OSBPL9: variants seen among roughly 807,000 people sequenced by gnomAD.
OSBPL9 encodes the protein oxysterol binding protein like 9, also known as oxysterol-binding protein-related protein 9.
In OSBPL9, 40 loss-of-function variants were observed where a neutral mutation model predicts 106.6. That is an observed-to-expected ratio of 0.38 (90% CI 0.29 to 0.49). OSBPL9 has a LOEUF of 0.49. Among genes scored for constraint, OSBPL9 ranks in the 20% least tolerant of loss-of-function variants. OSBPL9 has a pLI of 0.97. For missense variants in OSBPL9, 609 were observed against 887.2 expected, an observed-to-expected ratio of 0.69 and a Z score of 3.98; for synonymous variants, 269 against 295.4, an observed-to-expected ratio of 0.91 and a Z score of 0.92.
Position 51,782,514 on chromosome 1 carries a change from T to A in OSBPL9, c.1429-45T>A, listed in dbSNP as rs909137384. ...ATTACCAGATTCTCTGAAATGTCAT[T>A]TGTGTTTTCTCATCAAAAGAAAATT... On this transcript the variant is annotated intron_variant, in intron 16 of 23. Coordinates refer to ENST00000428468, the MANE Select transcript of OSBPL9 (RefSeq NM_024586.6). 1.9e-6 allele frequency: 3 copies of A among 1,563,240 alleles called. No individual in the cohort carries two copies. The African/African-American group carries it at 4.1e-5, about 21-fold the overall frequency.
the OSBPL9 span, among the ~76,000 whole-genome samples, chr1:51,559,637 A>AAATT: frequency 1.3e-5 from 2 of 152,214 alleles, no homozygotes; most frequent in African/African-American, 4.8e-5. Flanking sequence ...TTCTTCAAAT[A>AAATT]CTAAGGTTTG....
At chr1:51,778,675 A>G (rs1320377265) in intron 15 of OSBPL9, among the ~76,000 whole-genome samples, 1 of 152,126 alleles carries the variant, frequency 6.6e-6, no homozygotes. Context: ...CAAGTCCACA[A>G]ATTCATCCGT....
At chr1:51,635,398 G>T (rs559777562) in intron 1 of OSBPL9, among the ~76,000 whole-genome samples, 1 of 152,066 alleles carries the variant, frequency 6.6e-6, no homozygotes, top group Non-Finnish European at 1.5e-5. Flanking sequence ...TTTGCACCTC[G>T]CTGTTACTCC....
intron 9 of OSBPL9, 165 bp downstream of exon 9, chr1:51,756,523 A>G: frequency 1.6e-6 from 1 of 624,808 alleles, no homozygotes; most frequent in Admixed American, 3.0e-5. Context: ...TTCAGCAATC[A>G]TTTGCAGGGG....
intron 1 of OSBPL9, among the ~76,000 whole-genome samples, chr1:51,646,138 A>G (rs1042251039): frequency 1.3e-5 from 2 of 152,130 alleles, no homozygotes; most frequent in Admixed American, 6.6e-5. Flanking sequence ...CAGCTTATCA[A>G]TTTCTACAAC....
At chr1:51,666,827 A>G (rs1052173191) in intron 2 of OSBPL9, among the ~76,000 whole-genome samples, 3 of 152,228 alleles carry the variant, frequency 2.0e-5, no homozygotes, top group African/African-American at 4.8e-5. Context: ...CTGTTAGTTC[A>G]TAGAGAGCCA....
intron 9 of OSBPL9, among the ~76,000 whole-genome samples, chr1:51,758,423 A>G (rs2149054928): frequency 6.8e-6 from 1 of 146,030 alleles, no homozygotes; most frequent in South Asian, 2.1e-4. Flanking sequence ...TCCTATTTTC[A>G]GAAAAAAAAA....
chr1:51,547,386 GA>G, the OSBPL9 span, among the ~76,000 whole-genome samples: 1 of 151,858 alleles, frequency 6.6e-6, no homozygotes, highest in African/African-American at 2.4e-5. Flanking sequence ...AAAATATGAA[GA>G]AAAAATGCGA....
upstream of OSBPL9, chr1:51,617,075 A>G (rs1390360585): frequency 7.2e-7 from 1 of 1,386,342 alleles, no homozygotes; most frequent in Non-Finnish European, 9.6e-7. Context: ...TAGGCGAGTG[A>G]CGTCAGGCCG....
At chr1:51,546,651 C>A in the OSBPL9 span, among the ~76,000 whole-genome samples, 25 of 150,794 alleles carry the variant, frequency 1.7e-4, no homozygotes, top group Non-Finnish European at 1.6e-4. Flanking sequence ...GAGCCGAGAT[C>A]GTGCCACTGC....
Position 51,729,896 on chromosome 1 carries a change from A to C in OSBPL9, c.319-15640A>C. The C allele has an allele frequency of 1.6e-6, 2 of 1,271,342 alleles. No homozygotes were observed. The highest frequency in any genetic ancestry group is 2.0e-6 in the Non-Finnish European group (2 of 1,000,942). 78.8% of individuals were successfully genotyped at this position (1,271,342 alleles called of 1,614,324 possible). ...GCACCGCAGTCCGGGGATCGGGTCG[A>C]GGGGAGAAGAAAAAGGGGTGCTCGG... On this transcript the variant is annotated intron_variant, in intron 4 of 23. Transcript: ENST00000428468. The surrounding 1 kb of genome is among the most constrained non-coding windows in gnomAD (Gnocchi z 5.1).
At chr1:51,604,092 G>A (rs901403038) in intron 2 of OSBPL9, among the ~76,000 whole-genome samples, 1 of 152,190 alleles carries the variant, frequency 6.6e-6, no homozygotes, top group African/African-American at 2.4e-5. Context: ...TGGTCAGAAA[G>A]AAAGAAAGAA....
chr1:51,550,705 G>C, the OSBPL9 span, among the ~76,000 whole-genome samples: 2 of 152,014 alleles, frequency 1.3e-5, no homozygotes, highest in Admixed American at 6.6e-5. Context: ...GTAGAGACAG[G>C]GTTTCACCAC....
intron 2 of OSBPL9, among the ~76,000 whole-genome samples, chr1:51,656,854 AG>A (rs1299016136): frequency 6.6e-6 from 1 of 151,400 alleles, no homozygotes; most frequent in African/African-American, 2.4e-5. Flanking sequence ...TTTAGAGACG[AG>A]GTCTCACTGT....
rs80280657 is a variant in OSBPL9 at position 51,718,816 on chromosome 1, A to G, written c.318+4737A>G. On this transcript the variant is annotated intron_variant, in intron 4 of 23. Coordinates refer to ENST00000428468, the MANE Select transcript of OSBPL9 (RefSeq NM_024586.6). Reference sequence around the variant, plus strand: ...TTCATAAATGAAGGCTTTCTTCTTCAACAGTTCTTAGTGACTTCACCTGTA... The same window carrying G: ...TTCATAAATGAAGGCTTTCTTCTTCGACAGTTCTTAGTGACTTCACCTGTA... Among the ~76,000 whole-genome samples the G allele has an allele frequency of 2.3e-3, 352 of 152,308 alleles. 4 individuals carry two copies. Among genetic ancestry groups the G allele is most frequent in the African/African-American group, 8.3e-3 (344 of 41,566 alleles).
upstream of OSBPL9, among the ~76,000 whole-genome samples, chr1:51,572,808 A>G (rs1254869469): frequency 6.6e-6 from 1 of 152,258 alleles, no homozygotes; most frequent in Admixed American, 6.5e-5. Context: ...ATGAATGGAC[A>G]TATTATATTT....
the OSBPL9 span, chr1:51,563,716 A>G: frequency 1.4e-4 from 21 of 152,258 alleles, no homozygotes; most frequent in African/African-American, 4.8e-4. Context: ...TGGATCCAGG[A>G]TGTATTCAAA....
chr1:51,649,736 C>CTTTTTTTTTTTT (rs71578080), intron 1 of OSBPL9, among the ~76,000 whole-genome samples: 2 of 96,990 alleles, frequency 2.1e-5, no homozygotes, highest in African/African-American at 3.9e-5. Flanking sequence ...ACATGTTAGT[C>CTTTTTTTTTTTT]TTTTTTTTTT....
intron 3 of OSBPL9, among the ~76,000 whole-genome samples, chr1:51,686,346 T>A (rs1257590417): frequency 6.6e-6 from 1 of 152,232 alleles, no homozygotes; most frequent in East Asian, 1.9e-4. Context: ...GATTCAAACC[T>A]ATGCTCTTTT....
Sources: allele counts gnomAD v4.1 joint callset (sites outside exome capture counted in the v4.1 genomes callset), GRCh38; gene constraint gnomAD v4.1.1; non-coding constraint Gnocchi (gnomAD v3.1); transcripts MANE v1.5; gene names NCBI Gene and HGNC (gene_info 2026-07-23, HGNC 2026-07-21).